CA13: variants seen among roughly 807,000 people sequenced by gnomAD.
The protein encoded by CA13 is carbonic anhydrase 13, also known as CA-XIII.
In CA13, 21 loss-of-function variants were observed where a neutral mutation model predicts 31.5. That is an observed-to-expected ratio of 0.67 (90% CI 0.47 to 0.96). The LOEUF is 0.96. CA13 is among the 40% of genes least tolerant of loss of function. CA13 has a pLI of 0.00. For missense variants in CA13, 315 were observed against 318.9 expected, an observed-to-expected ratio of 0.99 and a Z score of 0.09; for synonymous variants, 117 against 111.4, an observed-to-expected ratio of 1.05 and a Z score of -0.32.
rs755807224 is a variant in CA13 at position 85,250,769 on chromosome 8, A to G, written c.67A>G (p.Ile23Val). The change falls in exon 2 of 7, where the codon ATT becomes GTT. Residue 23 changes from isoleucine to valine, a missense_variant. Transcript: ENST00000321764. ...GPIHWKEFFP[I>V]ADGDQQSPIE... ...TATTCACTGGAAGGAATTTTTCCCT[A>G]TTGCTGATGGTGATCAGCAATCTCC... 4.3e-6 allele frequency: 7 copies of G among 1,613,470 alleles called. No individual in the cohort carries two copies. The African/African-American group carries it at 8.0e-5, about 18-fold the overall frequency.
chr8:85,259,191 G>A (rs1351855524), intron 2 of CA13, among the ~76,000 whole-genome samples: 1 of 152,124 alleles, frequency 6.6e-6, no homozygotes, highest in Admixed American at 6.5e-5. Context: ...CGATTTCCCA[G>A]GTGTTCCATA....
At chr8:85,274,421 T>A (rs984177084) in intron 6 of CA13, among the ~76,000 whole-genome samples, 1 of 152,096 alleles carries the variant, frequency 6.6e-6, no homozygotes, top group Non-Finnish European at 1.5e-5. Context: ...GTATTTTAAA[T>A]CCTCCTAAAT....
intron 5 of CA13, 109 bp downstream of exon 5, chr8:85,268,073 T>C (rs1587542090): frequency 1.5e-6 from 1 of 668,216 alleles, no homozygotes; most frequent in East Asian, 2.9e-5. Flanking sequence ...GTTTGCAACA[T>C]ACTTGATGAA....
At chr8:85,271,137 G>GA (rs1248498539) in intron 6 of CA13, among the ~76,000 whole-genome samples, 3 of 151,950 alleles carry the variant, frequency 2.0e-5, no homozygotes, top group East Asian at 1.9e-4. Context: ...TAAAGCAAAA[G>GA]AAAAAAAATT....
chr8:85,270,460 T>A (rs1807514422), intron 6 of CA13, among the ~76,000 whole-genome samples: 1 of 152,252 alleles, frequency 6.6e-6, no homozygotes, highest in South Asian at 2.1e-4. Flanking sequence ...AGAGCTTGAC[T>A]GACATGAAAA....
Position 85,245,803 on chromosome 8 carries a change from T to A in CA13, c.-26T>A. The A allele has an allele frequency of 3.7e-6, 6 of 1,613,658 alleles. No individual in the cohort carries two copies. The highest frequency in any genetic ancestry group is 5.1e-6 in the Non-Finnish European group (6 of 1,179,634). ...TCTTTCTCGCTGCTCAGTCACATCT[T>A]TCTCTTCCTTCCACCCCGAGGGACC... On this transcript the variant is annotated 5_prime_UTR_variant, in exon 1 of 7. Transcript: ENST00000321764.
chr8:85,263,707 C>G (rs1421270628), intron 3 of CA13, among the ~76,000 whole-genome samples: 1 of 152,120 alleles, frequency 6.6e-6, no homozygotes, highest in East Asian at 1.9e-4. Flanking sequence ...GAGAGGAATT[C>G]ACTCTCTGTT....
At chr8:85,267,845 G>T in intron 4 of CA13, 57 bp from the exon 5 acceptor site, 1 of 995,252 alleles carries the variant, frequency 1.0e-6, no homozygotes, top group South Asian at 1.5e-5. Context: ...CTGAAATTGA[G>T]TGATTCAGAC....
intron 3 of CA13, 21 bp downstream of exon 3, chr8:85,259,560 G>C: frequency 6.3e-7 from 1 of 1,576,160 alleles, no homozygotes; most frequent in Non-Finnish European, 8.7e-7. Flanking sequence ...AGACATATCT[G>C]TGATTCACAG....
At chr8:85,262,978 T>A (rs1017208232) in intron 3 of CA13, among the ~76,000 whole-genome samples, 1 of 152,102 alleles carries the variant, frequency 6.6e-6, no homozygotes, top group African/African-American at 2.4e-5. Context: ...GGTAAGTTCT[T>A]TGATGGGAAC....
chr8:85,280,199 G>A (rs1369039625), intron 6 of CA13, among the ~76,000 whole-genome samples: 3 of 152,190 alleles, frequency 2.0e-5, no homozygotes, highest in African/African-American at 7.2e-5. Flanking sequence ...AGAATTGCTT[G>A]AACCTGGGAG....
chr8:85,268,415 G>C, intron 5 of CA13, 57 bp from the exon 6 acceptor site: 5 of 1,466,242 alleles, frequency 3.4e-6, no homozygotes, highest in Non-Finnish European at 3.8e-6. Flanking sequence ...TATGTTTTTT[G>C]AGGTCTATGT....
chr8:85,276,301 C>T (rs978017107), intron 6 of CA13, among the ~76,000 whole-genome samples: 11 of 152,336 alleles, frequency 7.2e-5, no homozygotes, highest in Non-Finnish European at 1.3e-4. Flanking sequence ...ATGCTTGAGC[C>T]TCCCCCCAAC....
At chr8:85,256,946 T>G (rs1807307258) in intron 2 of CA13, among the ~76,000 whole-genome samples, 1 of 152,066 alleles carries the variant, frequency 6.6e-6, no homozygotes, top group Non-Finnish European at 1.5e-5. Context: ...CTTTGGTTTC[T>G]CTCTCTCTCT....
chr8:85,267,759 A>G lies in CA13; in HGVS notation c.451-143A>G, dbSNP rs1807476729. On this transcript the variant is annotated intron_variant, in intron 4 of 6. Transcript: ENST00000321764. Reference sequence around the variant, plus strand: ...ATGATAAGGCTGGCAGGTAAAAGAGAAGCTTTGTTGTAGAACAATCACTGT... The same window carrying G: ...ATGATAAGGCTGGCAGGTAAAAGAGGAGCTTTGTTGTAGAACAATCACTGT... The G allele has an allele frequency of 1.4e-5, 7 of 507,346 alleles. No homozygotes were observed. The East Asian group carries it at 2.2e-4, about 16-fold the overall frequency. 31.4% of individuals were successfully genotyped at this position (507,346 alleles called of 1,614,324 possible).
chr8:85,266,252 G>A (rs193241056), intron 3 of CA13, among the ~76,000 whole-genome samples: 22 of 152,230 alleles, frequency 1.4e-4, no homozygotes, highest in Admixed American at 3.3e-4. Context: ...GTGTGGTGGC[G>A]CAGTCTTAGC....
At chr8:85,258,270 C>A (rs1807328104) in intron 2 of CA13, among the ~76,000 whole-genome samples, 1 of 151,860 alleles carries the variant, frequency 6.6e-6, no homozygotes, top group South Asian at 2.1e-4. Flanking sequence ...TAGGATGAGA[C>A]AATTTAGGAC....
Position 85,257,705 on chromosome 8 carries a change from C to CAA in CA13, c.236-1705_236-1704dup, listed in dbSNP as rs71273928. Among the ~76,000 whole-genome samples the CAA allele has an allele frequency of 7.0e-3, 996 of 142,470 alleles. 8 individuals carry two copies. Among genetic ancestry groups the CAA allele is most frequent in the East Asian group, 0.025 (123 of 4,826 alleles). 93.5% of individuals were successfully genotyped at this position (142,470 alleles called of 152,430 possible). On this transcript the variant is annotated intron_variant, in intron 2 of 6. Transcript: ENST00000321764. ...AGCCTGGGCAGCAGAGACCTTGTCT[C>CAA]AAAAAAAAAAAACAAAAACGAACAA... is the stretch of plus-strand genomic sequence containing the variant.
intron 6 of CA13, among the ~76,000 whole-genome samples, chr8:85,277,632 G>T (rs1428812991): frequency 6.6e-6 from 1 of 152,184 alleles, no homozygotes; most frequent in South Asian, 2.1e-4. Flanking sequence ...CAACGCTCTT[G>T]TATCACTTCG....
Sources: gnomAD v4.1 joint callset for allele counts (sites outside exome capture counted in the v4.1 genomes callset) on GRCh38, gnomAD v4.1.1 for gene constraint, MANE v1.5 for transcripts, NCBI Gene and HGNC (gene_info 2026-07-23, HGNC 2026-07-21) for gene names.